Variants in TMEM132D observed in about 807,000 individuals in gnomAD.
The protein encoded by TMEM132D is mature OL transmembrane protein.
A neutral mutation model predicts 62.3 loss-of-function variants in TMEM132D; 21 were observed. The observed-to-expected ratio is 0.34, with a 90% confidence interval of 0.24 to 0.49. The LOEUF (loss-of-function observed/expected upper bound fraction) is 0.49, where lower values mean the gene tolerates loss of function less well. Ranked by LOEUF, TMEM132D falls within the 20% of genes least tolerant of loss-of-function variation. The pLI is 0.99. For synonymous variants in TMEM132D, 621 were observed against 575.6 expected (o/e 1.08, Z -1.13); for missense variants, 1,346 against 1,402.8 (o/e 0.96, Z 0.65).
At chr12:129,889,613 A>T (rs1344918211) in intron 1 of TMEM132D, among the ~76,000 whole-genome samples, 2 of 152,154 alleles carry the variant, frequency 1.3e-5, no homozygotes, top group African/African-American at 4.8e-5. Flanking sequence ...ATGAGCTGGA[A>T]CTCTTCCATT....
At chr12:129,562,219 C>G (rs1464499532) in intron 2 of TMEM132D, among the ~76,000 whole-genome samples, 1 of 152,056 alleles carries the variant, frequency 6.6e-6, no homozygotes, top group Non-Finnish European at 1.5e-5. Context: ...ATCATTTCAC[C>G]AGATCCAGGT....
chr12:129,752,748 C>T (rs1870040564), intron 1 of TMEM132D, among the ~76,000 whole-genome samples: 1 of 152,116 alleles, frequency 6.6e-6, no homozygotes, highest in African/African-American at 2.4e-5. Flanking sequence ...GGTGTAAGAA[C>T]CAGGAAGGAT....
rs534377700 is a variant in TMEM132D, at chr12:129,128,700, C to T, written c.1444-43998G>A. Among the ~76,000 whole-genome samples, 10 of 152,250 alleles carry T rather than the reference C, an allele frequency of 6.6e-5. No individual in the cohort carries two copies. The East Asian group carries it at 9.7e-4, about 15-fold the overall frequency. ...GCTTCTAGTGTACCCATGACTCAAA[C>T]GGTGAACGCTGTACCCAATAGGTAA... On this transcript the variant is annotated intron_variant, in intron 5 of 8. Coordinates refer to ENST00000422113, the MANE Select transcript of TMEM132D (RefSeq NM_133448.3).
chr12:129,485,816 A>G (rs1002398182), intron 3 of TMEM132D, among the ~76,000 whole-genome samples: 2 of 152,238 alleles, frequency 1.3e-5, no homozygotes, highest in African/African-American at 4.8e-5. Context: ...CTTACCTGGC[A>G]TCCTAGGTAG....
chr12:129,786,997 A>G (rs75339492), intron 1 of TMEM132D, among the ~76,000 whole-genome samples: 2 of 134,608 alleles, frequency 1.5e-5, no homozygotes, highest in Non-Finnish European at 3.4e-5. Flanking sequence ...CAAGTTGCAG[A>G]ATGATGAGGG....
intron 3 of TMEM132D, among the ~76,000 whole-genome samples, chr12:129,461,266 C>A (rs1341582657): frequency 3.3e-5 from 5 of 152,064 alleles, no homozygotes; most frequent in Non-Finnish European, 7.4e-5. Context: ...ATGACAAGAG[C>A]CAGGAGAAGG....
At chr12:129,679,521 T>A (rs1880728358) in intron 2 of TMEM132D, among the ~76,000 whole-genome samples, 1 of 152,134 alleles carries the variant, frequency 6.6e-6, no homozygotes, top group African/African-American at 2.4e-5. Context: ...CTATATTGGA[T>A]CATCTCTGTT....
At position 129,525,226 on chromosome 12, in the gene TMEM132D, G is replaced by GGTT. The variant is rs1336461549; in HGVS notation, c.1115+5832_1115+5833insAAC. ...GGGTATGAGCCACGGTGCCCAGCCG[G>GGTT]TTTTTTTTTTTTTTTTTTTTTTTTT... On this transcript the variant is annotated intron_variant, in intron 3 of 8. Coordinates refer to ENST00000422113, the MANE Select transcript of TMEM132D (RefSeq NM_133448.3). 3.3e-3 allele frequency among the ~76,000 whole-genome samples: 220 copies of GGTT among 67,390 alleles called. 66 individuals are homozygous for GGTT. The highest frequency in any genetic ancestry group is 7.0e-3 in the East Asian group (12 of 1,706). 44.2% of individuals were successfully genotyped at this position (67,390 alleles called of 152,430 possible). A position where few individuals can be genotyped will look rare whatever the true frequency, so the allele number is the denominator to read the frequency against.
At chr12:129,359,987 G>C (rs1215009452) in intron 3 of TMEM132D, among the ~76,000 whole-genome samples, 1 of 151,126 alleles carries the variant, frequency 6.6e-6, no homozygotes, top group African/African-American at 2.4e-5. Context: ...TTGTTGCAGT[G>C]GGAAAAAAAT....
At chr12:129,871,195 G>GT (rs1874229352) in intron 1 of TMEM132D, among the ~76,000 whole-genome samples, 1 of 152,134 alleles carries the variant, frequency 6.6e-6, no homozygotes, top group South Asian at 2.1e-4. Context: ...TTCGTTCCAG[G>GT]TGCGCCCATG....
At chr12:129,089,935 T>C (rs1400263241) in intron 5 of TMEM132D, among the ~76,000 whole-genome samples, 1 of 152,236 alleles carries the variant, frequency 6.6e-6, no homozygotes, top group Non-Finnish European at 1.5e-5. Context: ...TCTGCCTTTT[T>C]AGAGGATAAA....
intron 1 of TMEM132D, among the ~76,000 whole-genome samples, chr12:129,723,212 T>C (rs1020940609): frequency 1.3e-5 from 2 of 152,244 alleles, no homozygotes; most frequent in African/African-American, 2.4e-5. Flanking sequence ...TAATATGTTT[T>C]TAATGCTTCC....
chr12:129,074,443 T>G lies in TMEM132D; in HGVS notation c.2732A>C (p.Lys911Thr). The change falls in exon 9 of 9, where the codon AAA (lysine) becomes ACA (threonine). Residue 911 changes from lysine to threonine, a missense_variant. Transcript: ENST00000422113. ...CCCAATTTCTAAGTCGCTCAGCCCTTTGGATGCCTGCATAAGGTCATTCCC... is the reference window on the plus strand; with the variant it reads ...CCCAATTTCTAAGTCGCTCAGCCCTGTGGATGCCTGCATAAGGTCATTCCC... ...MDGNDLMQAS[K>T]GLSDLEIGMY... 6.2e-7 allele frequency: 1 copy of G among 1,614,138 alleles called. No homozygotes were observed. Among genetic ancestry groups the G allele is most frequent in the Non-Finnish European group, 8.5e-7 (1 of 1,180,036 alleles).
chr12:129,770,470 G>A (rs148993702), intron 1 of TMEM132D, among the ~76,000 whole-genome samples: 3 of 152,130 alleles, frequency 2.0e-5, no homozygotes, highest in Non-Finnish European at 4.4e-5. Context: ...TGGGGAAGGT[G>A]CTTTTTTTCA....
chr12:129,126,959 C>T (rs916723812), intron 5 of TMEM132D, among the ~76,000 whole-genome samples: 6 of 152,166 alleles, frequency 3.9e-5, no homozygotes, highest in African/African-American at 1.4e-4. Flanking sequence ...GCATGTGATG[C>T]CCTGCAGTTG....
chr12:129,243,778 G>A (rs961042945), intron 4 of TMEM132D, among the ~76,000 whole-genome samples: 6 of 152,110 alleles, frequency 3.9e-5, no homozygotes, highest in Non-Finnish European at 5.9e-5. Context: ...AATATAAAAC[G>A]TCAATATCAA....
intron 1 of TMEM132D, among the ~76,000 whole-genome samples, chr12:129,789,170 C>G (rs577614860): frequency 6.6e-6 from 1 of 152,272 alleles, no homozygotes; most frequent in East Asian, 1.9e-4. Context: ...ATCACCCGAG[C>G]AGTGTTCACT....
At chr12:129,278,891 G>A (rs1337222453) in intron 4 of TMEM132D, among the ~76,000 whole-genome samples, 7 of 152,134 alleles carry the variant, frequency 4.6e-5, no homozygotes, top group Non-Finnish European at 1.0e-4. Flanking sequence ...CACAGACATA[G>A]GCCTGGATGG....
Position 129,073,895 on chromosome 12 carries a change from T to C in TMEM132D, c.3280A>G (p.Arg1094Gly), listed in dbSNP as rs2135601247. The change falls in exon 9 of 9, where the codon AGG becomes GGG. Residue 1094 changes from arginine to glycine, a missense_variant. Coordinates refer to ENST00000422113, the MANE Select transcript of TMEM132D (RefSeq NM_133448.3). Reference protein sequence around the residue: ...DCKELHNYMERLHENV With the variant: ...DCKELHNYMEGLHENV Reference sequence around the variant, plus strand: ...CTGGCTTACACATTTTCATGTAACCTCTCCATGTAGTTGTGCAGCTCTTTG... The same window carrying C: ...CTGGCTTACACATTTTCATGTAACCCCTCCATGTAGTTGTGCAGCTCTTTG... 1 of 1,543,718 alleles carries C rather than the reference T, an allele frequency of 6.5e-7. No individual in the cohort carries two copies. The highest frequency in any genetic ancestry group is 8.7e-7 in the Non-Finnish European group (1 of 1,147,376).
Sources: gnomAD v4.1 joint callset for allele counts (sites outside exome capture counted in the v4.1 genomes callset) on GRCh38, gnomAD v4.1.1 for gene constraint, MANE v1.5 for transcripts, NCBI Gene and HGNC (gene_info 2026-07-23, HGNC 2026-07-21) for gene names.